CLPTM1: variants seen among roughly 807,000 people sequenced by gnomAD.
The protein encoded by CLPTM1 is CLPTM1 regulator of GABA type A receptor forward trafficking.
Under a neutral mutation model 77.3 loss-of-function variants are expected in CLPTM1, and 21 were observed. That is an observed-to-expected ratio of 0.27 (90% CI 0.19 to 0.39). The LOEUF is 0.39. CLPTM1 is among the 10% of genes least tolerant of loss of function. The pLI, the probability that CLPTM1 is intolerant of heterozygous loss-of-function variation, is 1.00. For synonymous variants in CLPTM1, 373 were observed against 381.0 expected, an observed-to-expected ratio of 0.98 and a Z score of 0.24; for missense variants, 642 against 921.2, an observed-to-expected ratio of 0.70 and a Z score of 3.92.
At chr19:44,980,952 C>T (rs1970886342) in intron 5 of CLPTM1, among the ~76,000 whole-genome samples, 1 of 151,666 alleles carries the variant, frequency 6.6e-6, no homozygotes, top group Non-Finnish European at 1.5e-5. Context: ...ATTCTCCTGC[C>T]TCAGCCTCCT....
Position 44,986,589 on chromosome 19 carries a change from C to T in CLPTM1, c.793+14C>T. On this transcript the variant is annotated intron_variant, in intron 7 of 13. Transcript: ENST00000337392. The stretch of plus-strand genomic sequence containing the variant: ...CCCTGGATCAATGTAAGCTCCCCAG[C>T]CCTGCCAGCTGCCTGCAGAGCCTTT... 1 of 1,612,286 alleles carries T rather than the reference C, an allele frequency of 6.2e-7. No homozygotes were observed. Among genetic ancestry groups the T allele is most frequent in the South Asian group, 1.1e-5 (1 of 90,948 alleles).
At position 44,960,713 on chromosome 19, in the gene CLPTM1, G is replaced by A. The variant is rs558802359; in HGVS notation, c.73-1250G>A. Among the ~76,000 whole-genome samples, 26 of 152,322 alleles carry A rather than the reference G, an allele frequency of 1.7e-4. 1 individual carries two copies. In the South Asian group the frequency reaches 5.0e-3, roughly 29 times the overall value. ...AGTGGACTAGGGGCTGTGGAGGAGA[G>A]GGCCAGACACTGGAGCCTCAGAGGG... On this transcript the variant is annotated intron_variant, in intron 1 of 13. Coordinates refer to ENST00000337392, the MANE Select transcript of CLPTM1 (RefSeq NM_001294.4).
At chr19:44,984,575 G>A (rs779582911) in intron 5 of CLPTM1, 1 of 152,478 alleles carries the variant, frequency 6.6e-6, no homozygotes, top group African/African-American at 2.4e-5. Flanking sequence ...GCATGTTTGA[G>A]AAGTGGAAGG....
At chr19:44,956,082 C>T (rs1013826356) in intron 1 of CLPTM1, among the ~76,000 whole-genome samples, 2 of 152,108 alleles carry the variant, frequency 1.3e-5, no homozygotes, top group Admixed American at 6.5e-5. Flanking sequence ...AGTCCTGGTG[C>T]GGATGACTTC....
At chr19:44,989,551 A>AGAGCTCTGGGATGTGGGG (rs556754480) in intron 9 of CLPTM1, among the ~76,000 whole-genome samples, 1 of 151,898 alleles carries the variant, frequency 6.6e-6, no homozygotes, top group Non-Finnish European at 1.5e-5. Flanking sequence ...GGAGTGTGCC[A>AGAGCTCTGGGATGTGGGG]GAGCTCTGGG....
intron 2 of CLPTM1, among the ~76,000 whole-genome samples, chr19:44,967,988 T>C (rs1466193988): frequency 6.6e-6 from 1 of 152,230 alleles, no homozygotes; most frequent in Non-Finnish European, 1.5e-5. Context: ...TGAAAATTAT[T>C]TTTATCTTTC....
chr19:44,954,917 T>TTTA (rs1329931786), upstream of CLPTM1: 4 of 1,461,432 alleles, frequency 2.7e-6, no homozygotes, highest in Non-Finnish European at 3.7e-6. Context: ...AAAGGCTAGT[T>TTTA]CTTCGAATCA....
At chr19:44,955,329 G>A, upstream of CLPTM1, 1 of 1,374,616 alleles carries the variant, frequency 7.3e-7, no homozygotes. Flanking sequence ...GAAATCTCGC[G>A]CGATTGCGCT....
At chr19:44,978,532 C>T (rs915703861) in intron 5 of CLPTM1, among the ~76,000 whole-genome samples, 1 of 152,134 alleles carries the variant, frequency 6.6e-6, no homozygotes, top group South Asian at 2.1e-4. Context: ...ACATGGGAGG[C>T]TGAGGTGGGA....
At chr19:44,955,508 C>T in intron 1 of CLPTM1, 41 bp downstream of exon 1, 1 of 1,264,428 alleles carries the variant, frequency 7.9e-7, no homozygotes, top group Non-Finnish European at 1.0e-6. Flanking sequence ...TCTTCCCCAG[C>T]CGGGGGGCCT....
intron 6 of CLPTM1, 29 bp downstream of exon 6, chr19:44,985,332 A>G: frequency 6.7e-7 from 1 of 1,486,968 alleles, no homozygotes; most frequent in Non-Finnish European, 9.4e-7. Context: ...CAGGGCCTAT[A>G]GGGACCAAGC....
intron 5 of CLPTM1, among the ~76,000 whole-genome samples, chr19:44,983,617 C>CAAAAACAAAAA (rs1970932169): frequency 2.5e-5 from 1 of 39,788 alleles, no homozygotes; most frequent in African/African-American, 1.3e-4. Context: ...GACTCTGTCT[C>CAAAAACAAAAA]AAAAAAAAAA....
chr19:44,977,467 C>A lies in CLPTM1; in HGVS notation c.586+7C>A. 6.3e-7 allele frequency: 1 copy of A among 1,590,594 alleles called. No homozygotes were observed. Among genetic ancestry groups the A allele is most frequent in the South Asian group, 1.1e-5 (1 of 90,720 alleles). On this transcript the variant is annotated splice_region_variant and intron_variant, in intron 5 of 13. Coordinates refer to ENST00000337392, the MANE Select transcript of CLPTM1 (RefSeq NM_001294.4). Reference sequence around the variant, plus strand: ...ACAGTCCACATGTCCCGGAGTAAGTCGCTCCCCTGCAGCCAGGACCCACTG... The same window carrying A: ...ACAGTCCACATGTCCCGGAGTAAGTAGCTCCCCTGCAGCCAGGACCCACTG...
chr19:44,988,001 C>T lies in CLPTM1; in HGVS notation c.1039-79C>T. On this transcript the variant is annotated intron_variant, in intron 8 of 13. Coordinates refer to ENST00000337392, the MANE Select transcript of CLPTM1 (RefSeq NM_001294.4). Reference sequence around the variant, plus strand: ...TTCAGCCTCCCTCTACAGGCGGCCCCAGGGGCAGCCCTCGGGACAAAAGCT... The same window carrying T: ...TTCAGCCTCCCTCTACAGGCGGCCCTAGGGGCAGCCCTCGGGACAAAAGCT... 4 of 1,118,742 alleles carry T rather than the reference C, an allele frequency of 3.6e-6. No individual in the cohort carries two copies. In the South Asian group the frequency reaches 5.0e-5, roughly 14 times the overall value. The allele number at this position is 1,118,742 out of a possible 1,614,324, so 69.3% of individuals were successfully genotyped here. A position where few individuals can be genotyped will look rare whatever the true frequency, so the allele number is the denominator to read the frequency against.
At position 44,990,584 on chromosome 19, in the gene CLPTM1, G is replaced by A. The variant is rs151296794; in HGVS notation, c.1322G>A (p.Arg441Gln). ...LWKITKVMDV[R>Q]LDREHRVAGI... is the part of the protein sequence containing the mutation. ...AAGATCACCAAGGTCATGGACGTCC[G>A]GGTAAGGCTGGGGCGCCATGCTGTC... The change falls in exon 10 of 14, where the codon CGG becomes CAG. Residue 441 changes from arginine to glutamine, a missense_variant and splice_region_variant. Physicochemically the swap from Arg to Gln is conservative, Grantham distance 43 (BLOSUM62 1). Coordinates refer to ENST00000337392, the MANE Select transcript of CLPTM1 (RefSeq NM_001294.4). The surrounding 1 kb of genome is among the most constrained non-coding windows in gnomAD (Gnocchi z 4.8). 419 of 1,613,054 alleles carry A rather than the reference G, an allele frequency of 2.6e-4. 3 individuals carry two copies. In the South Asian group the frequency reaches 3.6e-3, roughly 14 times the overall value.
At chr19:44,985,743 G>C (rs1007331703) in intron 6 of CLPTM1, among the ~76,000 whole-genome samples, 1 of 152,094 alleles carries the variant, frequency 6.6e-6, no homozygotes. Flanking sequence ...CTGGGGAGCC[G>C]GGCAGTTAAT....
intron 5 of CLPTM1, among the ~76,000 whole-genome samples, chr19:44,983,502 C>G (rs562950417): frequency 6.6e-6 from 1 of 151,182 alleles, no homozygotes; most frequent in African/African-American, 2.4e-5. Flanking sequence ...CCTGTAGTCC[C>G]AGCTACCCAG....
chr19:44,964,298 C>CTTTTTT lies in CLPTM1; in HGVS notation c.185+2248_185+2253dup, dbSNP rs35539206. Among the ~76,000 whole-genome samples the CTTTTTT allele has an allele frequency of 8.7e-4, 59 of 68,154 alleles. 7 individuals are homozygous for CTTTTTT. Among genetic ancestry groups the CTTTTTT allele is most frequent in the African/African-American group, 3.2e-3 (51 of 16,036 alleles). 44.7% of individuals were successfully genotyped at this position (68,154 alleles called of 152,430 possible). On this transcript the variant is annotated intron_variant, in intron 2 of 13. Transcript: ENST00000337392. The stretch of plus-strand genomic sequence containing the variant: ...TTTTAACCTATGTTTTCATTTTAAC[C>CTTTTTT]TTTTTTTTTTTTTTTTTTTTTTTTT...
chr19:44,957,017 G>A (rs2122228318), intron 1 of CLPTM1, among the ~76,000 whole-genome samples: 1 of 152,298 alleles, frequency 6.6e-6, no homozygotes, highest in East Asian at 1.9e-4. Flanking sequence ...CGCACTAGAT[G>A]TCAGTAGGAT....
Sources: gnomAD v4.1 joint callset for allele counts (sites outside exome capture counted in the v4.1 genomes callset) on GRCh38, gnomAD v4.1.1 for gene constraint, Gnocchi (gnomAD v3.1) non-coding constraint, MANE v1.5 for transcripts, NCBI Gene and HGNC (gene_info 2026-07-23, HGNC 2026-07-21) for gene names.